Variants in RAP1GAP2 observed in about 807,000 individuals in gnomAD.
The protein encoded by RAP1GAP2 is rap1 GTPase-activating protein 2.
In RAP1GAP2, 27 loss-of-function variants were observed where a neutral mutation model predicts 95.0. The observed-to-expected ratio is 0.28, with a 90% CI of 0.21 to 0.39. The LOEUF is 0.39. Among genes scored for constraint, RAP1GAP2 ranks in the 10% least tolerant of loss-of-function variants. The pLI is 1.00. For synonymous variants in RAP1GAP2, 373 were observed against 380.9 expected, an observed-to-expected ratio of 0.98 and a Z score of 0.24; for missense variants, 771 against 970.0, an observed-to-expected ratio of 0.79 and a Z score of 2.72.
intron 10 of RAP1GAP2, among the ~76,000 whole-genome samples, chr17:2,983,675 T>G (rs1490968559): frequency 1.3e-5 from 2 of 152,244 alleles, no homozygotes; most frequent in Non-Finnish European, 1.5e-5. Flanking sequence ...GTTTTTTTCC[T>G]AGACCAACTG....
chr17:3,016,220 G>A (rs28777669), intron 17 of RAP1GAP2, among the ~76,000 whole-genome samples: 2,339 of 152,302 alleles, frequency 0.015, 46 homozygotes, highest in East Asian at 0.047. Flanking sequence ...AAACACTGCT[G>A]ACATGTTAAA....
In RAP1GAP2 at chr17:2,963,129, T is replaced by A; in HGVS notation, c.247-301T>A. ...CCTGGAAAGGGGTGCTGGGGGAGACTAGGGGTCATTTTCCGGAATGAGCGT... is the reference window on the plus strand; with the variant it reads ...CCTGGAAAGGGGTGCTGGGGGAGACAAGGGGTCATTTTCCGGAATGAGCGT... On this transcript the variant is annotated intron_variant, in intron 5 of 24. Transcript: ENST00000254695. The surrounding 1 kb of genome is among the most constrained non-coding windows in gnomAD (Gnocchi z 4.8). The A allele has an allele frequency of 1.8e-6, 1 of 552,302 alleles. No individual in the cohort carries two copies. The highest frequency in any genetic ancestry group is 3.1e-5 in the East Asian group (1 of 31,782). 34.2% of individuals were successfully genotyped at this position (552,302 alleles called of 1,614,324 possible).
In RAP1GAP2 at chr17:2,897,062, T is replaced by G. The variant is rs529854182; in HGVS notation, c.81-8222T>G. Among the ~76,000 whole-genome samples the G allele has an allele frequency of 7.9e-5, 12 of 152,316 alleles. No individual in the cohort carries two copies. In the East Asian group the frequency reaches 2.1e-3, roughly 27 times the overall value. Reference sequence around the variant, plus strand: ...TTTATAAACGGGTGTCCAGGCCAGGTGCGCTGGCTCACGCCTATAATCCCA... The same window carrying G: ...TTTATAAACGGGTGTCCAGGCCAGGGGCGCTGGCTCACGCCTATAATCCCA... On this transcript the variant is annotated intron_variant, in intron 2 of 24. Transcript: ENST00000254695.
At chr17:2,989,509 T>A (rs1226288222) in intron 11 of RAP1GAP2, among the ~76,000 whole-genome samples, 1 of 152,112 alleles carries the variant, frequency 6.6e-6, no homozygotes, top group Middle Eastern at 3.2e-3. Context: ...ATTTTTGCAT[T>A]TTTAGTAGAG....
chr17:2,960,292 C>G lies in RAP1GAP2; in HGVS notation c.202-2378C>G, dbSNP rs147760197. On this transcript the variant is annotated intron_variant, in intron 4 of 24. Coordinates refer to ENST00000254695, the MANE Select transcript of RAP1GAP2 (RefSeq NM_015085.5). Reference sequence around the variant, plus strand: ...TGCTCTCCTGCCCTCGGGGCTGTTCCCAGACAGGGATGACTAATGCAGGCC... The same window carrying G: ...TGCTCTCCTGCCCTCGGGGCTGTTCGCAGACAGGGATGACTAATGCAGGCC... Among the ~76,000 whole-genome samples, 1,007 of 152,188 alleles carry G rather than the reference C, an allele frequency of 6.6e-3. 3 individuals carry two copies. Among genetic ancestry groups the G allele is most frequent in the Middle Eastern group, 0.031 (9 of 294 alleles).
chr17:2,834,583 G>A (rs2071048576), intron 2 of RAP1GAP2, among the ~76,000 whole-genome samples: 1 of 152,148 alleles, frequency 6.6e-6, no homozygotes, highest in Non-Finnish European at 1.5e-5. Context: ...GATGGCTCGA[G>A]CCCAGGAGTT....
chr17:3,019,393 G>C (rs11078425), intron 18 of RAP1GAP2, among the ~76,000 whole-genome samples: 58,848 of 151,798 alleles, frequency 0.39, 11,976 homozygotes, highest in East Asian at 0.54. Context: ...CGCACCAGTA[G>C]TCTTAGCTAC....
In RAP1GAP2 at chr17:2,807,295, G is replaced by C. The variant is rs1311486434; in HGVS notation, c.80+6745G>C. On this transcript the variant is annotated intron_variant, in intron 2 of 24. Coordinates refer to ENST00000254695, the MANE Select transcript of RAP1GAP2 (RefSeq NM_015085.5). ...GGCCACTGGGTCTTTGTTTACTGTA[G>C]ATTACAAGAATTCTTGAGGCACCAC... Among the ~76,000 whole-genome samples, 5 of 152,298 alleles carry C rather than the reference G, an allele frequency of 3.3e-5. No homozygotes were observed. The East Asian group carries it at 9.7e-4, about 29-fold the overall frequency.
At chr17:2,868,652 G>A (rs1260022604) in intron 2 of RAP1GAP2, among the ~76,000 whole-genome samples, 5 of 151,144 alleles carry the variant, frequency 3.3e-5, no homozygotes, top group African/African-American at 1.2e-4. Flanking sequence ...CGAGTAGCTG[G>A]GATTACAGGC....
rs141313297 is a variant in RAP1GAP2 at position 2,784,253 on chromosome 17, G to A, written c.-14+6975G>A. Among the ~76,000 whole-genome samples the A allele has an allele frequency of 6.6e-3, 998 of 151,540 alleles. 5 individuals carry two copies. The highest frequency in any genetic ancestry group is 0.023 in the African/African-American group (947 of 41,252). On this transcript the variant is annotated intron_variant, in intron 1 of 24. Coordinates refer to the RAP1GAP2 transcript ENST00000540393. Reference sequence around the variant, plus strand: ...CTCCCAAAGTGCTGGGATTACAGGCGTGAGCCACCACGCCTGGCCTATTTT... The same window carrying A: ...CTCCCAAAGTGCTGGGATTACAGGCATGAGCCACCACGCCTGGCCTATTTT...
At chr17:2,888,552 A>G (rs1451826658) in intron 2 of RAP1GAP2, among the ~76,000 whole-genome samples, 5 of 151,866 alleles carry the variant, frequency 3.3e-5, no homozygotes, top group Non-Finnish European at 5.9e-5. Flanking sequence ...TTCACTTCCC[A>G]TAATGTCCTC....
chr17:2,781,768 G>GTCTGTGTGTGCACGTT (rs1319024092), intron 1 of RAP1GAP2, among the ~76,000 whole-genome samples: 1 of 136,190 alleles, frequency 7.3e-6, no homozygotes, highest in Non-Finnish European at 1.5e-5. Flanking sequence ...GTGTGTGCAC[G>GTCTGTGTGTGCACGTT]TCTGTGTGTG....
At chr17:2,848,913 C>CT (rs2071703586) in intron 2 of RAP1GAP2, among the ~76,000 whole-genome samples, 1 of 152,212 alleles carries the variant, frequency 6.6e-6, no homozygotes, top group South Asian at 2.1e-4. Context: ...TCCCCCTCCT[C>CT]TGTCTTCCTC....
At position 2,970,285 on chromosome 17, in the gene RAP1GAP2, A is replaced by AAT. The variant is rs1555582366; in HGVS notation, c.596+4643_596+4644insTA. ...TGAGACTCTGTCTCAAAAAAAAAAAAAAAAAAAAAAATAATAATAATACGT... is the reference window on the plus strand; with the variant it reads ...TGAGACTCTGTCTCAAAAAAAAAAAAATAAAAAAAAAAATAATAATAATACGT... On this transcript the variant is annotated intron_variant, in intron 8 of 24. Coordinates refer to ENST00000254695, the MANE Select transcript of RAP1GAP2 (RefSeq NM_015085.5). Among the ~76,000 whole-genome samples, 3 of 148,526 alleles carry AAT rather than the reference A, an allele frequency of 2.0e-5. No individual in the cohort carries two copies. In the South Asian group the frequency reaches 6.3e-4, roughly 31 times the overall value.
chr17:3,006,883 T>G (rs1482316723), intron 16 of RAP1GAP2, among the ~76,000 whole-genome samples: 2 of 152,098 alleles, frequency 1.3e-5, no homozygotes, highest in African/African-American at 4.8e-5. Flanking sequence ...ATAGTTATAG[T>G]ACAGTGTGCC....
chr17:2,779,743 C>T (rs912857231), intron 1 of RAP1GAP2, among the ~76,000 whole-genome samples: 13 of 116,670 alleles, frequency 1.1e-4, no homozygotes, highest in Non-Finnish European at 1.7e-4. Flanking sequence ...AGCTGGCATA[C>T]GGTCATGGGC....
intron 2 of RAP1GAP2, among the ~76,000 whole-genome samples, chr17:2,845,483 T>C (rs1394575283): frequency 6.6e-6 from 1 of 152,250 alleles, no homozygotes; most frequent in Non-Finnish European, 1.5e-5. Flanking sequence ...TCCATCCTGA[T>C]ATAGAACATT....
rs529004254 is a variant in RAP1GAP2, at chr17:2,931,491, C to A, written c.165+26123C>A. 3.9e-5 allele frequency among the ~76,000 whole-genome samples: 6 copies of A among 152,326 alleles called. No homozygotes were observed. The South Asian group carries it at 1.2e-3, about 32-fold the overall frequency. On this transcript the variant is annotated intron_variant, in intron 3 of 24. Coordinates refer to ENST00000254695, the MANE Select transcript of RAP1GAP2 (RefSeq NM_015085.5). ...GGACAGCCCATTGTCCCTACCCTAA[C>A]CTCGTTAGGGCCTCGTTTGCCCCAG...
intron 2 of RAP1GAP2, among the ~76,000 whole-genome samples, chr17:2,894,258 C>T (rs1183729285): frequency 6.6e-6 from 1 of 152,158 alleles, no homozygotes; most frequent in Non-Finnish European, 1.5e-5. Context: ...GCAAAAACCC[C>T]ATCTCTACTA....
Sources: allele counts gnomAD v4.1 joint callset (sites outside exome capture counted in the v4.1 genomes callset), GRCh38; gene constraint gnomAD v4.1.1; non-coding constraint Gnocchi (gnomAD v3.1); transcripts MANE v1.5; gene names NCBI Gene and HGNC (gene_info 2026-07-23, HGNC 2026-07-21).